The following COLQ variants were observed in gnomAD, a reference collection of about 807,000 sequenced individuals.
COLQ encodes collagen like tail subunit of asymmetric acetylcholinesterase.
In COLQ, 48 loss-of-function variants were observed where a neutral mutation model predicts 69.0. The observed-to-expected ratio is 0.70, with a 90% CI of 0.55 to 0.88. COLQ has a LOEUF of 0.88. Ranked by LOEUF, COLQ falls within the 40% of genes least tolerant of loss-of-function variation. COLQ has a pLI of 0.00. For synonymous variants in COLQ, 217 were observed against 211.2 expected, an observed-to-expected ratio of 1.03 and a Z score of -0.24; for missense variants, 618 against 594.6, an observed-to-expected ratio of 1.04 and a Z score of -0.41.
rs753310591 is a variant in COLQ at position 15,498,862 on chromosome 3, G to A, written c.107-9225C>T. The stretch of plus-strand genomic sequence containing the variant: ...GGAGGACAAGAGTGCCTTCAGCCCA[G>A]GGGAGGATATGAGGTTGGGAGCCCA... On this transcript the variant is annotated intron_variant, in intron 1 of 16. Transcript: ENST00000383788. The A allele has an allele frequency of 5.1e-5, 71 of 1,390,890 alleles. No individual in the cohort carries two copies. In the Admixed American group the frequency reaches 6.1e-4, roughly 12 times the overall value. The allele number at this position is 1,390,890 out of a possible 1,614,324, so 86.2% of individuals were successfully genotyped here.
intron 1 of COLQ, among the ~76,000 whole-genome samples, chr3:15,515,655 A>G (rs2063051057): frequency 3.9e-5 from 6 of 152,042 alleles, no homozygotes; most frequent in Admixed American, 3.9e-4. Context: ...TAAAAATACA[A>G]ATTAACTGGG....
rs1209105467 is a variant in COLQ at position 15,470,608 on chromosome 3, C to T, written c.645G>A (p.Met215Ile). ...FPGMLGQKGE[M>I]GPKGEPGIAG... ...CTATCCCAGGTTCACCTTTTGGACCCATTTCACCCTGGAAAGAAGGAAAGA... is the reference window on the plus strand; with the variant it reads ...CTATCCCAGGTTCACCTTTTGGACCTATTTCACCCTGGAAAGAAGGAAAGA... Residue 215 changes from methionine to isoleucine, a missense_variant, in exon 11 of 17, where the codon ATG becomes ATA. Transcript: ENST00000383788. The T allele has an allele frequency of 6.2e-7, 1 of 1,614,116 alleles. No individual in the cohort carries two copies. Among genetic ancestry groups the T allele is most frequent in the Admixed American group, 1.7e-5 (1 of 60,020 alleles).
At chr3:15,490,385 G>A (rs1258118921) in intron 1 of COLQ, among the ~76,000 whole-genome samples, 1 of 150,470 alleles carries the variant, frequency 6.6e-6, no homozygotes, top group East Asian at 2.1e-4. Flanking sequence ...CAGCACCCAG[G>A]TCAAGAAACA....
At chr3:15,509,375 A>G (rs1249678835) in intron 1 of COLQ, among the ~76,000 whole-genome samples, 1 of 152,176 alleles carries the variant, frequency 6.6e-6, no homozygotes, top group Middle Eastern at 3.2e-3. Context: ...GAGCTGCCCA[A>G]TTTCCAAAAA....
At chr3:15,514,190 T>A (rs1470595626) in intron 1 of COLQ, among the ~76,000 whole-genome samples, 1 of 152,186 alleles carries the variant, frequency 6.6e-6, no homozygotes, top group Non-Finnish European at 1.5e-5. Flanking sequence ...TCCAGAACCA[T>A]AATAGATGTG....
intron 1 of COLQ, among the ~76,000 whole-genome samples, chr3:15,504,443 C>T (rs530094520): frequency 6.6e-6 from 1 of 152,208 alleles, no homozygotes; most frequent in Non-Finnish European, 1.5e-5. Context: ...ACACATCCTT[C>T]GTGTCTCTTT....
At chr3:15,460,622 G>A (rs971166995) in intron 12 of COLQ, among the ~76,000 whole-genome samples, 4 of 152,176 alleles carry the variant, frequency 2.6e-5, no homozygotes, top group African/African-American at 7.2e-5. Flanking sequence ...TTTCCTGAGC[G>A]AGTTGACAGG....
At chr3:15,454,416 G>GT (rs1394178332) in intron 15 of COLQ, among the ~76,000 whole-genome samples, 7 of 152,284 alleles carry the variant, frequency 4.6e-5, no homozygotes, top group African/African-American at 1.7e-4. Context: ...CGATGGGAGG[G>GT]TGTTGGAGTA....
Position 15,451,676 on chromosome 3 carries a change from T to G in COLQ, c.1336A>C (p.Ile446Leu), listed in dbSNP as rs371867135. 12 of 1,614,054 alleles carry G rather than the reference T, an allele frequency of 7.4e-6. No individual in the cohort carries two copies. Among genetic ancestry groups the G allele is most frequent in the African/African-American group, 4.0e-5 (3 of 74,924 alleles). The change falls in exon 17 of 17, where the codon ATC becomes CTC. Residue 446 changes from isoleucine (I) to leucine (L), a missense_variant. Coordinates refer to ENST00000383788, the MANE Select transcript of COLQ (RefSeq NM_005677.4). ...AAGTAGCGGCAGGGCGTGGAGTCGA[T>G]GTAGCAGTACTGGGTGCATTGCAGG... ...GDLQCTQYCY[I>L]DSTPCRYFT
chr3:15,458,450 A>T, intron 12 of COLQ, 125 bp from the exon 13 acceptor site: 1 of 1,049,606 alleles, frequency 9.5e-7, no homozygotes, highest in Non-Finnish European at 1.5e-6. Context: ...GGTATGCCTG[A>T]GGGAGAGGTT....
At chr3:15,497,171 G>A (rs2062758343) in intron 1 of COLQ, among the ~76,000 whole-genome samples, 1 of 151,388 alleles carries the variant, frequency 6.6e-6, no homozygotes, top group Non-Finnish European at 1.5e-5. Flanking sequence ...AGTCTCCTGA[G>A]CAGCTGGGAT....
rs1245379328 is a variant in COLQ at position 15,473,467 on chromosome 3, C to A, written c.636+533G>T. Among the ~76,000 whole-genome samples the A allele has an allele frequency of 6.6e-6, 1 of 152,182 alleles. No homozygotes were observed. The highest frequency in any genetic ancestry group is 1.5e-5 in the Non-Finnish European group (1 of 68,026). ...GGCACCATGCCTGGCCAATATTTAACTATTTAAATACAAAATTTAACTCTT... is the reference window on the plus strand; with the variant it reads ...GGCACCATGCCTGGCCAATATTTAAATATTTAAATACAAAATTTAACTCTT... On this transcript the variant is annotated intron_variant, in intron 10 of 16. Coordinates refer to ENST00000383788, the MANE Select transcript of COLQ (RefSeq NM_005677.4). This position sits in a 1 kb window ranked among gnomAD's most constrained non-coding sequence, Gnocchi z 4.0.
At chr3:15,475,226 A>G (rs2062359704) in intron 7 of COLQ, 199 bp downstream of exon 7, 1 of 662,510 alleles carries the variant, frequency 1.5e-6, no homozygotes, top group Admixed American at 2.6e-5. Flanking sequence ...TGCCCAAGAG[A>G]ACAGCAGGAA....
At chr3:15,452,168 G>A (rs2061954154) in intron 16 of COLQ, among the ~76,000 whole-genome samples, 1 of 151,582 alleles carries the variant, frequency 6.6e-6, no homozygotes, top group African/African-American at 2.4e-5. Context: ...CCAGGTTCAA[G>A]CGATTGTCCT....
chr3:15,499,159 G>A (rs555396267), intron 1 of COLQ, among the ~76,000 whole-genome samples: 10 of 151,980 alleles, frequency 6.6e-5, no homozygotes, highest in East Asian at 5.8e-4. Flanking sequence ...CAACAACAAC[G>A]AAACCACAAA....
At chr3:15,501,002 T>C (rs918747621) in intron 1 of COLQ, among the ~76,000 whole-genome samples, 2 of 152,198 alleles carry the variant, frequency 1.3e-5, no homozygotes, top group Non-Finnish European at 2.9e-5. Context: ...TCAGGGTCTG[T>C]GATTCCTGAA....
intron 1 of COLQ, among the ~76,000 whole-genome samples, chr3:15,508,388 G>T (rs1397599697): frequency 6.6e-6 from 1 of 152,158 alleles, no homozygotes; most frequent in African/African-American, 2.4e-5. Context: ...TCAAATAAGT[G>T]CCCAGGTAAG....
chr3:15,471,679 G>C (rs1272413929), intron 10 of COLQ, among the ~76,000 whole-genome samples: 1 of 152,174 alleles, frequency 6.6e-6, no homozygotes, highest in Non-Finnish European at 1.5e-5. Flanking sequence ...GAAAATTCCA[G>C]GGAACACCTG....
rs186610982 is a variant in COLQ, at chr3:15,487,007, A to G, written c.321+1199T>C. On this transcript the variant is annotated intron_variant, in intron 3 of 16. Coordinates refer to ENST00000383788, the MANE Select transcript of COLQ (RefSeq NM_005677.4). ...GAAACTTTGCCGCAGGATTTGATCC[A>G]CAGATATAGTTTGCCAACCCCTGCC... is the stretch of plus-strand genomic sequence containing the variant. 3.1e-4 allele frequency among the ~76,000 whole-genome samples: 47 copies of G among 152,366 alleles called. No individual in the cohort carries two copies. The East Asian group carries it at 6.2e-3, about 20-fold the overall frequency.
Sources: allele counts gnomAD v4.1 joint callset (sites outside exome capture counted in the v4.1 genomes callset), GRCh38; gene constraint gnomAD v4.1.1; non-coding constraint Gnocchi (gnomAD v3.1); transcripts MANE v1.5; gene names NCBI Gene and HGNC (gene_info 2026-07-23, HGNC 2026-07-21).